Variants in FRMD4B observed in about 807,000 individuals in gnomAD.
FRMD4B encodes FERM domain containing 4B.
In FRMD4B, 74 loss-of-function variants were observed where a neutral mutation model predicts 141.5. That is an observed-to-expected ratio of 0.52 (90% confidence interval 0.43 to 0.63). FRMD4B has a LOEUF of 0.63. FRMD4B is among the 30% of genes least tolerant of loss of function. FRMD4B has a pLI of 0.00. For synonymous variants in FRMD4B, 506 were observed against 467.9 expected (o/e 1.08, Z -1.05); for missense variants, 1,366 against 1,253.4 (o/e 1.09, Z -1.36).
intron 1 of FRMD4B, among the ~76,000 whole-genome samples, chr3:69,516,681 T>C (rs1444987855): frequency 1.3e-5 from 2 of 152,332 alleles, no homozygotes; most frequent in South Asian, 2.1e-4. Flanking sequence ...ATGGTAGCAA[T>C]AGGAAATTAA....
chr3:69,487,983 T>C (rs72935564), intron 1 of FRMD4B, among the ~76,000 whole-genome samples: 43 of 151,358 alleles, frequency 2.8e-4, no homozygotes, highest in African/African-American at 1.0e-3. Flanking sequence ...GTGTCCATTG[T>C]AAAATTTCAT....
intron 1 of FRMD4B, among the ~76,000 whole-genome samples, chr3:69,337,036 C>T (rs906520154): frequency 3.3e-5 from 5 of 152,222 alleles, no homozygotes; most frequent in East Asian, 1.9e-4. Context: ...TGTGGCACCA[C>T]GCTACCTGAC....
At chr3:69,224,576 A>T (rs759382368) in intron 8 of FRMD4B, 31 bp downstream of exon 8, 1 of 1,037,204 alleles carries the variant, frequency 9.6e-7, no homozygotes, top group Admixed American at 1.9e-5. Context: ...GGCTATGAAA[A>T]TGAGACACCT....
intron 2 of FRMD4B, among the ~76,000 whole-genome samples, chr3:69,404,153 T>C (rs919135412): frequency 2.0e-5 from 3 of 152,176 alleles, no homozygotes; most frequent in African/African-American, 7.2e-5. Context: ...TGTCTCAGCC[T>C]CCCAAAGCAC....
At chr3:69,301,157 A>G (rs1313484902) in intron 4 of FRMD4B, among the ~76,000 whole-genome samples, 5 of 152,210 alleles carry the variant, frequency 3.3e-5, no homozygotes, top group Non-Finnish European at 7.3e-5. Flanking sequence ...AATTCATCAA[A>G]CAACTTACCC....
chr3:69,457,148 AAAAG>A (rs1705632114), intron 1 of FRMD4B, among the ~76,000 whole-genome samples: 1 of 152,254 alleles, frequency 6.6e-6, no homozygotes, highest in Non-Finnish European at 1.5e-5. Context: ...GAACAAAGAA[AAAAG>A]AAAAGAAAGG....
At chr3:69,234,292 A>G (rs796088962) in intron 7 of FRMD4B, among the ~76,000 whole-genome samples, 1 of 152,080 alleles carries the variant, frequency 6.6e-6, no homozygotes, top group African/African-American at 2.4e-5. Context: ...CATAGGTGTA[A>G]CAGGTGCCAA....
chr3:69,478,638 T>C (rs953279160), intron 1 of FRMD4B, among the ~76,000 whole-genome samples: 3 of 152,158 alleles, frequency 2.0e-5, no homozygotes, highest in Non-Finnish European at 4.4e-5. Context: ...TGTGGTCAAT[T>C]TAGGAATAGG....
chr3:69,191,249 G>C (rs1246100272), intron 17 of FRMD4B, among the ~76,000 whole-genome samples: 3 of 152,038 alleles, frequency 2.0e-5, no homozygotes, highest in East Asian at 3.9e-4. Context: ...GTGAAATCCT[G>C]TCTCTATGAA....
rs778313478 is a variant in FRMD4B at position 69,250,074 on chromosome 3, G to T, written c.527C>A (p.Thr176Asn). 3 of 1,610,852 alleles carry T rather than the reference G, an allele frequency of 1.9e-6. No individual in the cohort carries two copies. Among genetic ancestry groups the T allele is most frequent in the East Asian group, 2.2e-5 (1 of 44,888 alleles). Residue 176 changes from threonine (T) to asparagine (N), a missense_variant, in exon 6 of 23, where the codon ACC (threonine) becomes AAC (asparagine). Coordinates refer to ENST00000398540, the MANE Select transcript of FRMD4B (RefSeq NM_015123.3). ...HKGQIEVESE[T>N]IFKLAAFILQ... ...AATAAACGCTGCTAACTTGAAGATG[G>T]TTTCGCTCTCTACTTCGATTTGCCC...
intron 17 of FRMD4B, 26 bp downstream of exon 17, chr3:69,193,622 A>G (rs80082364): frequency 5.6e-6 from 8 of 1,439,166 alleles, no homozygotes; most frequent in Admixed American, 1.9e-5. Flanking sequence ...GGGGACTCAA[A>G]AAAAAAAACC....
In FRMD4B at chr3:69,198,905, T is replaced by A. The variant is rs1421843515; in HGVS notation, c.877-131A>T. The A allele has an allele frequency of 1.9e-5, 12 of 627,900 alleles. No homozygotes were observed. The East Asian group carries it at 3.0e-4, about 16-fold the overall frequency. The allele number at this position is 627,900 out of a possible 1,614,324, so 38.9% of individuals were successfully genotyped here. On this transcript the variant is annotated intron_variant, in intron 11 of 22. Coordinates refer to ENST00000398540, the MANE Select transcript of FRMD4B (RefSeq NM_015123.3). Reference sequence around the variant, plus strand: ...ATACGATGAAACATGAATATGTGATTCAGCCTTTTTACAAATCAACTATGA... The same window carrying A: ...ATACGATGAAACATGAATATGTGATACAGCCTTTTTACAAATCAACTATGA...
chr3:69,504,282 T>C (rs1402748823), intron 1 of FRMD4B, among the ~76,000 whole-genome samples: 4 of 152,220 alleles, frequency 2.6e-5, no homozygotes, highest in African/African-American at 9.6e-5. Context: ...TCATTTTAAG[T>C]AACCCCGGGA....
At chr3:69,200,444 A>G (rs1391200682) in intron 11 of FRMD4B, 1 of 995,368 alleles carries the variant, frequency 1.0e-6, no homozygotes, top group Non-Finnish European at 1.2e-6. Flanking sequence ...TGGGACAGAA[A>G]TGTGAGGAAA....
intron 1 of FRMD4B, among the ~76,000 whole-genome samples, chr3:69,338,107 C>G (rs1702614263): frequency 6.6e-6 from 1 of 152,212 alleles, no homozygotes; most frequent in Non-Finnish European, 1.5e-5. Context: ...CACATATACA[C>G]CATGGAATAC....
chr3:69,284,406 C>T (rs2093658080), intron 5 of FRMD4B, among the ~76,000 whole-genome samples: 1 of 151,958 alleles, frequency 6.6e-6, no homozygotes. Flanking sequence ...CTATTCCCAC[C>T]AGCCAGAATA....
intron 2 of FRMD4B, among the ~76,000 whole-genome samples, chr3:69,412,327 G>C (rs1704773560): frequency 6.6e-6 from 1 of 152,210 alleles, no homozygotes; most frequent in Admixed American, 6.5e-5. Flanking sequence ...CACAGGAAAA[G>C]GGTGCCTGGA....
intron 1 of FRMD4B, among the ~76,000 whole-genome samples, chr3:69,455,771 AT>A (rs1255564036): frequency 3.9e-5 from 6 of 152,146 alleles, no homozygotes; most frequent in Non-Finnish European, 8.8e-5. Flanking sequence ...TGTAATTCCA[AT>A]TTTTTAATGT....
chr3:69,528,178 G>A (rs1183224809), intron 1 of FRMD4B, among the ~76,000 whole-genome samples: 1 of 152,012 alleles, frequency 6.6e-6, no homozygotes, highest in East Asian at 1.9e-4. Flanking sequence ...TTTAAAAAAG[G>A]GCAATTCTCA....
Sources: gnomAD v4.1 joint callset for allele counts (sites outside exome capture counted in the v4.1 genomes callset) on GRCh38, gnomAD v4.1.1 for gene constraint, MANE v1.5 for transcripts, NCBI Gene and HGNC (gene_info 2026-07-23, HGNC 2026-07-21) for gene names.